ITGA2: variants seen among roughly 807,000 people sequenced by gnomAD.
The protein encoded by ITGA2 is integrin alpha-2.
In ITGA2, 101 loss-of-function variants were observed where a neutral mutation model predicts 146.3. The observed-to-expected ratio is 0.69, with a 90% confidence interval of 0.59 to 0.81. ITGA2 has a LOEUF of 0.81. Ranked by LOEUF, ITGA2 falls within the 40% of genes least tolerant of loss-of-function variation. The pLI is 0.00. For missense variants in ITGA2, 1,281 were observed against 1,402.7 expected (o/e 0.91, Z 1.39); for synonymous variants, 477 against 487.1 (o/e 0.98, Z 0.27).
chr5:53,045,178 A>T, intron 4 of ITGA2, 86 bp downstream of exon 4: 1 of 1,044,312 alleles, frequency 9.6e-7, no homozygotes, highest in Non-Finnish European at 1.5e-6. Flanking sequence ...CAATCTGAGG[A>T]TTTAGATGTT....
At chr5:53,050,661 T>C (rs1219578097) in intron 6 of ITGA2, among the ~76,000 whole-genome samples, 1 of 152,148 alleles carries the variant, frequency 6.6e-6, no homozygotes, top group Non-Finnish European at 1.5e-5. Context: ...GCCCATCTCC[T>C]AGGCTTAGAG....
chr5:53,071,440 G>T (rs1019417676), intron 17 of ITGA2, among the ~76,000 whole-genome samples: 1 of 151,668 alleles, frequency 6.6e-6, no homozygotes. Context: ...TGCTAAGCCC[G>T]CAGCCAGCCA....
At chr5:53,014,529 A>G (rs890689057) in intron 1 of ITGA2, among the ~76,000 whole-genome samples, 8 of 152,232 alleles carry the variant, frequency 5.3e-5, no homozygotes, top group South Asian at 4.1e-4. Context: ...TTTTGCATCT[A>G]TGTTCATCAG....
intron 2 of ITGA2, among the ~76,000 whole-genome samples, chr5:53,031,820 G>A (rs1039015498): frequency 1.3e-5 from 2 of 152,186 alleles, no homozygotes; most frequent in African/African-American, 2.4e-5. Flanking sequence ...GGGCCATCCC[G>A]CTTCAGAGCC....
chr5:53,044,152 G>A (rs529805690), intron 3 of ITGA2, among the ~76,000 whole-genome samples: 2 of 151,566 alleles, frequency 1.3e-5, no homozygotes, highest in East Asian at 3.9e-4. Flanking sequence ...GTGTGCACCT[G>A]TATTCCCAGC....
intron 4 of ITGA2, among the ~76,000 whole-genome samples, chr5:53,046,921 C>CA (rs999291592): frequency 6.0e-5 from 9 of 151,190 alleles, no homozygotes; most frequent in Non-Finnish European, 8.9e-5. Context: ...GCTTTTAAAA[C>CA]AAAAAAAAAT....
At chr5:53,009,766 G>A (rs1440315130) in intron 1 of ITGA2, among the ~76,000 whole-genome samples, 1 of 152,118 alleles carries the variant, frequency 6.6e-6, no homozygotes, top group Non-Finnish European at 1.5e-5. Context: ...TGGAGATTGA[G>A]TCTTTGGAAC....
chr5:53,039,497 T>C (rs1247343477), intron 2 of ITGA2, among the ~76,000 whole-genome samples: 3 of 151,924 alleles, frequency 2.0e-5, no homozygotes, highest in Non-Finnish European at 4.4e-5. Context: ...ATAAGGATTT[T>C]CTTTGGGAGG....
chr5:53,069,612 T>C (rs1483558448), intron 16 of ITGA2, among the ~76,000 whole-genome samples: 1 of 151,942 alleles, frequency 6.6e-6, no homozygotes, highest in African/African-American at 2.4e-5. Context: ...CCATGTGAAC[T>C]TAGGTGAATT....
intron 14 of ITGA2, 132 bp from the exon 15 acceptor site, chr5:53,065,709 T>C: frequency 8.3e-7 from 1 of 1,200,294 alleles, no homozygotes. Context: ...AAAATGAATC[T>C]TTAGAATTTG....
At chr5:53,072,470 T>C in intron 18 of ITGA2, 143 bp from the exon 19 acceptor site, 1 of 674,278 alleles carries the variant, frequency 1.5e-6, no homozygotes, top group Non-Finnish European at 2.6e-6. Flanking sequence ...CTTTTCTTTA[T>C]TATTTTGTTA....
chr5:53,053,420 A>G (rs1272701671), intron 7 of ITGA2, among the ~76,000 whole-genome samples: 1 of 152,188 alleles, frequency 6.6e-6, no homozygotes, highest in African/African-American at 2.4e-5. Flanking sequence ...TTCTGGACAC[A>G]GCAAACTGGA....
rs370143396 is a variant in ITGA2, at chr5:53,070,138, G to A, written c.2113G>A (p.Asp705Asn). ...AIVYNITLDA[D>N]GFSSRVTSRG... ...TGTATATAACATCACACTTGATGCA[G>A]ATGGATTTTCATCCAGAGTAACCTC... The change falls in exon 17 of 30, where the codon GAT becomes AAT. Residue 705 changes from aspartate to asparagine, a missense_variant. By Grantham distance (23) the Asp-to-Asn change is conservative (BLOSUM62 1). Coordinates refer to ENST00000296585, the MANE Select transcript of ITGA2 (RefSeq NM_002203.4). The A allele has an allele frequency of 4.3e-6, 7 of 1,610,974 alleles. No homozygotes were observed. Among genetic ancestry groups the A allele is most frequent in the Non-Finnish European group, 5.9e-6 (7 of 1,177,990 alleles).
chr5:53,004,939 G>A (rs1579784679), intron 1 of ITGA2, among the ~76,000 whole-genome samples: 2 of 78,758 alleles, frequency 2.5e-5, no homozygotes, highest in Admixed American at 3.8e-4. Flanking sequence ...TTTTTGGAGG[G>A]GGAGGAGAGG....
intron 24 of ITGA2, 37 bp from the exon 25 acceptor site, chr5:53,080,474 C>A (rs1745869409): frequency 6.7e-7 from 1 of 1,503,418 alleles, no homozygotes; most frequent in Non-Finnish European, 9.3e-7. Flanking sequence ...TCATGTACAT[C>A]CTGTTGCAGT....
chr5:53,056,004 A>G lies in ITGA2; in HGVS notation c.951A>G (p.Arg317=), dbSNP rs1270844090. ...TCAAGGTTCTTGGGTACTTAAACAGAAACGCCCTTGATACTAAAAATTTAA... is the reference window on the plus strand; with the variant it reads ...TCAAGGTTCTTGGGTACTTAAACAGGAACGCCCTTGATACTAAAAATTTAA... ...FGIAVLGYLN[R]NALDTKNLIK... The change falls in exon 9 of 30, where the codon AGA becomes AGG. Residue 317 remains arginine, a synonymous_variant. Transcript: ENST00000296585. 1 of 1,609,658 alleles carries G rather than the reference A, an allele frequency of 6.2e-7. No individual in the cohort carries two copies. The highest frequency in any genetic ancestry group is 8.5e-7 in the Non-Finnish European group (1 of 1,178,142).
At chr5:52,995,949 C>T (rs576619395) in intron 1 of ITGA2, among the ~76,000 whole-genome samples, 1 of 152,160 alleles carries the variant, frequency 6.6e-6, no homozygotes, top group South Asian at 2.1e-4. Flanking sequence ...TAGCACAGAA[C>T]TATTTGGAGA....
At chr5:53,079,257 A>T (rs1745802220) in intron 24 of ITGA2, among the ~76,000 whole-genome samples, 2 of 152,150 alleles carry the variant, frequency 1.3e-5, no homozygotes, top group South Asian at 4.1e-4. Context: ...CAAATGTTCA[A>T]CATTAACCAA....
At chr5:53,052,783 G>C (rs1744439689) in intron 7 of ITGA2, among the ~76,000 whole-genome samples, 1 of 152,072 alleles carries the variant, frequency 6.6e-6, no homozygotes. Flanking sequence ...CTCTTCACTA[G>C]CTCCTTTTCC....
Sources: gnomAD v4.1 joint callset for allele counts (sites outside exome capture counted in the v4.1 genomes callset) on GRCh38, gnomAD v4.1.1 for gene constraint, MANE v1.5 for transcripts, NCBI Gene and HGNC (gene_info 2026-07-23, HGNC 2026-07-21) for gene names.